Variants in TMEM116 observed in about 807,000 individuals in gnomAD.
TMEM116 encodes transmembrane protein 116.
TMEM116 carries 38 observed loss-of-function variants against 44.3 expected under a neutral mutation model. The ratio of observed to expected loss-of-function variants is 0.86; its 90% CI spans 0.66 to 1.12. The LOEUF is 1.12. Ranked by LOEUF, TMEM116 falls within the 50% of genes most tolerant of loss-of-function variation. The pLI, the probability that TMEM116 is intolerant of heterozygous loss-of-function variation, is 0.00. For missense variants in TMEM116, 354 were observed against 401.7 expected (o/e 0.88, Z 1.01); for synonymous variants, 132 against 144.8 (o/e 0.91, Z 0.64).
At chr12:111,984,112 A>G (rs2076093108) in intron 4 of TMEM116, among the ~76,000 whole-genome samples, 1 of 152,178 alleles carries the variant, frequency 6.6e-6, no homozygotes, top group African/African-American at 2.4e-5. Context: ...AGCATTTGAC[A>G]AAATTCAATA....
At chr12:111,991,274 G>A (rs1030480381) in intron 4 of TMEM116, among the ~76,000 whole-genome samples, 1 of 146,212 alleles carries the variant, frequency 6.8e-6, no homozygotes, top group Non-Finnish European at 1.5e-5. Flanking sequence ...TGTAATCCTA[G>A]CACTTTGAGA....
chr12:111,977,724 A>C (rs1446062671), intron 4 of TMEM116, among the ~76,000 whole-genome samples: 2 of 152,118 alleles, frequency 1.3e-5, no homozygotes, highest in Non-Finnish European at 2.9e-5. Context: ...TTATATCATA[A>C]GGGTAAGTAA....
At chr12:111,985,441 T>TTAAACACAATAAAATACTTAGGAA (rs2076173668) in intron 4 of TMEM116, among the ~76,000 whole-genome samples, 1 of 152,078 alleles carries the variant, frequency 6.6e-6, no homozygotes, top group Admixed American at 6.6e-5. Flanking sequence ...TACAATATCA[T>TTAAACACAATAAAATACTTAGGAA]TAAACACAAT....
At chr12:111,998,466 A>G (rs1236494299) in intron 3 of TMEM116, among the ~76,000 whole-genome samples, 1 of 152,212 alleles carries the variant, frequency 6.6e-6, no homozygotes, top group African/African-American at 2.4e-5. Context: ...ATCCCTGGAG[A>G]AGAAAAGCAG....
At chr12:111,969,286 C>T (rs2075178696) in intron 4 of TMEM116, among the ~76,000 whole-genome samples, 1 of 146,430 alleles carries the variant, frequency 6.8e-6, no homozygotes, top group African/African-American at 2.5e-5. Flanking sequence ...CACCATTGCA[C>T]TCCAGGCTGG....
intron 4 of TMEM116, among the ~76,000 whole-genome samples, chr12:111,983,786 C>T (rs1203143923): frequency 6.6e-6 from 1 of 152,060 alleles, no homozygotes; most frequent in Non-Finnish European, 1.5e-5. Flanking sequence ...TCAAGTTATT[C>T]CAAAAAGTCG....
chr12:111,963,339 T>C (rs973093515), intron 4 of TMEM116, among the ~76,000 whole-genome samples: 1 of 152,196 alleles, frequency 6.6e-6, no homozygotes, highest in Non-Finnish European at 1.5e-5. Flanking sequence ...ACCCAAAGGA[T>C]TAGAAATCAT....
chr12:111,935,612 T>TCGTGTGTG (rs1565864806), intron 8 of TMEM116: 1 of 104,292 alleles, frequency 9.6e-6, no homozygotes, highest in African/African-American at 4.6e-5. Context: ...CTGAGCCATC[T>TCGTGTGTG]CGTGTGTGTG....
chr12:112,012,656 G>C (rs2077899139), intron 1 of TMEM116: 1 of 152,510 alleles, frequency 6.6e-6, no homozygotes, highest in Non-Finnish European at 1.5e-5. Context: ...AACAAAGTGC[G>C]TGCCTTCAGC....
intron 3 of TMEM116, among the ~76,000 whole-genome samples, chr12:112,002,804 G>T (rs2077337779): frequency 1.3e-5 from 2 of 152,056 alleles, no homozygotes; most frequent in Admixed American, 1.3e-4. Flanking sequence ...ATTAAAGTGG[G>T]CCCAATAAAA....
chr12:111,953,336 A>G (rs1376217831), intron 4 of TMEM116, among the ~76,000 whole-genome samples: 1 of 152,204 alleles, frequency 6.6e-6, no homozygotes, highest in Admixed American at 6.5e-5. Flanking sequence ...GAAACAATCA[A>G]ACATAATTTT....
chr12:111,964,654 A>C (rs76058851), intron 4 of TMEM116, among the ~76,000 whole-genome samples: 2,620 of 152,248 alleles, frequency 0.017, 84 homozygotes, highest in African/African-American at 0.058. Flanking sequence ...ACCGTATTCC[A>C]AAGTGTGGCA....
At chr12:111,942,738 T>G (rs1565878490) in intron 5 of TMEM116, among the ~76,000 whole-genome samples, 1 of 152,096 alleles carries the variant, frequency 6.6e-6, no homozygotes, top group Non-Finnish European at 1.5e-5. Flanking sequence ...GCACTGTAAA[T>G]AATACTCCTA....
At chr12:111,993,825 TG>T in intron 3 of TMEM116, 1 of 746,308 alleles carries the variant, frequency 1.3e-6, no homozygotes. Context: ...TTTCTCACCC[TG>T]ATGATTCTGT....
rs745863067 is a variant in TMEM116 at position 111,931,863 on chromosome 12, C to A, written c.808-36G>T. 1.2e-5 allele frequency: 17 copies of A among 1,394,420 alleles called. No individual in the cohort carries two copies. In the South Asian group the frequency reaches 2.4e-4, roughly 20 times the overall value. The allele number at this position is 1,394,420 out of a possible 1,614,324, so 86.4% of individuals were successfully genotyped here. A position where few individuals can be genotyped will look rare whatever the true frequency, so the allele number is the denominator to read the frequency against. On this transcript the variant is annotated intron_variant, in intron 10 of 10. Coordinates refer to ENST00000552374, the MANE Select transcript of TMEM116 (RefSeq NM_001193531.2). ...TGAAGGGGTGATGCAGCCCATGCTT[C>A]AGGTTTTCAGGGATCCAGGGAATAA...
At chr12:111,952,176 C>G (rs1464872570) in intron 4 of TMEM116, among the ~76,000 whole-genome samples, 1 of 152,100 alleles carries the variant, frequency 6.6e-6, no homozygotes, top group Non-Finnish European at 1.5e-5. Context: ...TTGCAGTGAG[C>G]CAAGATTGAG....
At chr12:112,008,542 T>C (rs750815289) in intron 1 of TMEM116, among the ~76,000 whole-genome samples, 1 of 151,946 alleles carries the variant, frequency 6.6e-6, no homozygotes, top group Admixed American at 6.6e-5. Flanking sequence ...ATTGGGCTAC[T>C]GTATATTATA....
Position 111,931,654 on chromosome 12 carries a change from C to T in TMEM116, c.981G>A (p.Leu327=). The T allele has an allele frequency of 6.2e-7, 1 of 1,614,132 alleles. No homozygotes were observed. Among genetic ancestry groups the T allele is most frequent in the Non-Finnish European group, 8.5e-7 (1 of 1,180,024 alleles). The change falls in exon 11 of 11, where the codon CTG becomes CTA. Residue 327 remains leucine, a synonymous_variant. Transcript: ENST00000552374. ...TGGTAGAAGTACTGGCAGGAAAAGT[C>T]AGGGTGGATTCCAGTGAATTTAAGC... ...SRGLNSLEST[L]TFPASTSTIF
intron 7 of TMEM116, 55 bp from the exon 8 acceptor site, chr12:111,936,885 C>A: frequency 1.3e-6 from 2 of 1,506,832 alleles, no homozygotes; most frequent in South Asian, 2.7e-5. Flanking sequence ...AAAAGAGCTG[C>A]TCAACAAGAC....
Sources: gnomAD v4.1 joint callset for allele counts (sites outside exome capture counted in the v4.1 genomes callset) on GRCh38, gnomAD v4.1.1 for gene constraint, MANE v1.5 for transcripts, NCBI Gene and HGNC (gene_info 2026-07-23, HGNC 2026-07-21) for gene names.